Variants in ODAD2 observed in about 807,000 individuals in gnomAD.
The protein encoded by ODAD2 is outer dynein arm-docking complex subunit 2.
A neutral mutation model predicts 106.8 loss-of-function variants in ODAD2; 89 were observed. The observed-to-expected ratio is 0.83, with a 90% confidence interval of 0.70 to 0.99. The LOEUF (loss-of-function observed/expected upper bound fraction) is 0.99. ODAD2 is among the 50% of genes least tolerant of loss of function. ODAD2 has a pLI of 0.00. For synonymous variants in ODAD2, 404 were observed against 436.2 expected (o/e 0.93, Z 0.92); for missense variants, 1,168 against 1,238.5 (o/e 0.94, Z 0.85).
At chr10:27,840,078 C>T (rs1382119485) in intron 19 of ODAD2, among the ~76,000 whole-genome samples, 1 of 152,000 alleles carries the variant, frequency 6.6e-6, no homozygotes, top group Non-Finnish European at 1.5e-5. Context: ...AAAAATAAAA[C>T]AATAATAATA....
intron 2 of ODAD2, among the ~76,000 whole-genome samples, chr10:27,992,681 C>A (rs1850301185): frequency 1.3e-5 from 2 of 151,932 alleles, no homozygotes; most frequent in African/African-American, 2.4e-5. Context: ...AGAGCCAGAC[C>A]CTGTCTTAAA....
intron 17 of ODAD2, among the ~76,000 whole-genome samples, chr10:27,882,225 G>GAAAGAAAGAAAT (rs1186295462): frequency 2.1e-4 from 31 of 150,836 alleles, no homozygotes; most frequent in African/African-American, 7.3e-4. Context: ...AAGAAAGAAA[G>GAAAGAAAGAAAT]AAAGAAAGAA....
chr10:27,908,136 T>C (rs1479609518), intron 16 of ODAD2, among the ~76,000 whole-genome samples: 1 of 152,210 alleles, frequency 6.6e-6, no homozygotes, highest in East Asian at 1.9e-4. Context: ...CAAATATTTA[T>C]GCCTCAAAAC....
At chr10:27,895,752 T>C (rs1213874971) in intron 17 of ODAD2, among the ~76,000 whole-genome samples, 1 of 152,204 alleles carries the variant, frequency 6.6e-6, no homozygotes, top group Non-Finnish European at 1.5e-5. Flanking sequence ...CTAACCATGG[T>C]TTGATTCAGA....
At chr10:27,922,153 C>CA (rs34021438) in intron 16 of ODAD2, among the ~76,000 whole-genome samples, 59,393 of 107,230 alleles carry the variant, frequency 0.55, 14,225 homozygotes, top group Middle Eastern at 0.67. Context: ...AACTCTGCCT[C>CA]AAAAAAAAAA....
intron 16 of ODAD2, among the ~76,000 whole-genome samples, chr10:27,921,936 GAGGGTGGAT>G (rs1021925535): frequency 6.6e-6 from 1 of 151,556 alleles, no homozygotes; most frequent in African/African-American, 2.4e-5. Flanking sequence ...GGAGGCCAAG[GAGGGTGGAT>G]AGCTTCAGCT....
At chr10:27,834,551 G>A (rs945766626) in intron 19 of ODAD2, among the ~76,000 whole-genome samples, 1 of 152,158 alleles carries the variant, frequency 6.6e-6, no homozygotes, top group Non-Finnish European at 1.5e-5. Context: ...ATGAAGGTTG[G>A]TGGACATCCA....
intron 19 of ODAD2, among the ~76,000 whole-genome samples, chr10:27,819,574 TAAAAAAAAAA>T (rs56031733): frequency 4.1e-5 from 3 of 74,014 alleles, no homozygotes; most frequent in African/African-American, 5.1e-5. Context: ...CCCTGTCTCT[TAAAAAAAAAA>T]AAAAAAAAAA....
intron 10 of ODAD2, among the ~76,000 whole-genome samples, chr10:27,953,943 G>T (rs1847540679): frequency 6.6e-6 from 1 of 152,176 alleles, no homozygotes; most frequent in Non-Finnish European, 1.5e-5. Flanking sequence ...CAGGGAGCAA[G>T]AGCTGGGAAG....
chr10:27,996,461 C>T (rs1343787363), intron 1 of ODAD2, among the ~76,000 whole-genome samples: 2 of 152,006 alleles, frequency 1.3e-5, no homozygotes, highest in East Asian at 3.9e-4. Flanking sequence ...GGAAAGGGGG[C>T]ATTATCGGCC....
At chr10:27,835,024 G>A (rs766131481) in intron 19 of ODAD2, among the ~76,000 whole-genome samples, 6 of 152,178 alleles carry the variant, frequency 3.9e-5, no homozygotes, top group Non-Finnish European at 7.3e-5. Context: ...ACACACAACC[G>A]AAGGCGCAGG....
intron 7 of ODAD2, among the ~76,000 whole-genome samples, chr10:27,979,984 T>C (rs1202217580): frequency 1.3e-5 from 2 of 152,268 alleles, no homozygotes; most frequent in South Asian, 2.1e-4. Context: ...AAGAAAGATA[T>C]AGACCAATGG....
intron 10 of ODAD2, among the ~76,000 whole-genome samples, chr10:27,950,912 A>G (rs373161274): frequency 6.6e-6 from 1 of 152,234 alleles, no homozygotes; most frequent in Admixed American, 6.5e-5. Context: ...TAATTAAAAA[A>G]TAGTTCAATA....
At chr10:27,967,737 A>T (rs1004714816) in intron 9 of ODAD2, among the ~76,000 whole-genome samples, 13 of 151,890 alleles carry the variant, frequency 8.6e-5, no homozygotes, top group African/African-American at 3.1e-4. Context: ...CTAAAAATAA[A>T]AAAATTAGCT....
intron 16 of ODAD2, among the ~76,000 whole-genome samples, chr10:27,930,283 C>T (rs1283639774): frequency 6.6e-6 from 1 of 152,074 alleles, no homozygotes; most frequent in Non-Finnish European, 1.5e-5. Flanking sequence ...GTGGCTCACA[C>T]CTATAATCCT....
chr10:27,964,826 C>A (rs1340394069), intron 9 of ODAD2, among the ~76,000 whole-genome samples: 1 of 152,116 alleles, frequency 6.6e-6, no homozygotes, highest in Non-Finnish European at 1.5e-5. Flanking sequence ...AGGTAAGGAC[C>A]ATTTCTGTCT....
chr10:27,997,800 C>T (rs1452649425), intron 1 of ODAD2, among the ~76,000 whole-genome samples: 1 of 152,182 alleles, frequency 6.6e-6, no homozygotes. Flanking sequence ...ACCAGTTGCT[C>T]CCCGGTTTCT....
At chr10:27,990,346 T>C (rs1850148053) in intron 2 of ODAD2, among the ~76,000 whole-genome samples, 1 of 152,186 alleles carries the variant, frequency 6.6e-6, no homozygotes, top group African/African-American at 2.4e-5. Flanking sequence ...TATTTATTTA[T>C]TATTTATTTT....
At chr10:27,995,210 A>G (rs1267606490) in intron 1 of ODAD2, 30 bp from the exon 2 acceptor site, 10 of 1,572,916 alleles carry the variant, frequency 6.4e-6, no homozygotes, top group Admixed American at 1.9e-5. Flanking sequence ...GAAAGAGACA[A>G]CAGCGTCCAC....
Sources: gnomAD v4.1 joint callset for allele counts (sites outside exome capture counted in the v4.1 genomes callset) on GRCh38, gnomAD v4.1.1 for gene constraint, MANE v1.5 for transcripts, NCBI Gene and HGNC (gene_info 2026-07-23, HGNC 2026-07-21) for gene names.